Variants in AFF3 observed in about 807,000 individuals in gnomAD.
AFF3 encodes ALF transcription elongation factor 3, also known as AF4/FMR2 family member 3.
A neutral mutation model predicts 129.7 loss-of-function variants in AFF3; 32 were observed. That is an observed-to-expected ratio of 0.25 (90% CI 0.19 to 0.33). The LOEUF is 0.33. Among genes scored for constraint, AFF3 ranks in the 10% least tolerant of loss-of-function variants. The pLI, the probability that AFF3 is intolerant of heterozygous loss-of-function variation, is 1.00. For synonymous variants in AFF3, 644 were observed against 635.4 expected (o/e 1.01, Z -0.20); for missense variants, 1,373 against 1,592.0 (o/e 0.86, Z 2.34).
chr2:99,572,493 C>T (rs908483908), intron 18 of AFF3: 10 of 414,504 alleles, frequency 2.4e-5, no homozygotes, highest in East Asian at 1.5e-4. Context: ...TGTGAAATGC[C>T]GCCCTCAGTA....
intron 4 of AFF3, chr2:100,011,518 G>T: frequency 1.3e-6 from 1 of 781,028 alleles, no homozygotes; most frequent in Non-Finnish European, 2.4e-6. Flanking sequence ...GCTGGCTGAT[G>T]ACTGAAATTC....
At chr2:99,870,242 T>TCAGC (rs1023248234) in intron 7 of AFF3, among the ~76,000 whole-genome samples, 19 of 152,194 alleles carry the variant, frequency 1.2e-4, no homozygotes, top group Non-Finnish European at 1.5e-5. Context: ...TTGTCACTGC[T>TCAGC]CAGCCATAAG....
intron 4 of AFF3, among the ~76,000 whole-genome samples, chr2:100,063,490 A>C (rs1687470440): frequency 6.6e-6 from 1 of 152,102 alleles, no homozygotes; most frequent in African/African-American, 2.4e-5. Context: ...TTATTGAAAT[A>C]AAAAAATTTG....
intron 2 of AFF3, among the ~76,000 whole-genome samples, chr2:100,116,919 A>G (rs1691757247): frequency 2.0e-5 from 3 of 152,112 alleles, no homozygotes; most frequent in Admixed American, 1.3e-4. Context: ...TATCAATTTT[A>G]CATTTATAAT....
intron 13 of AFF3, among the ~76,000 whole-genome samples, chr2:99,648,917 A>ACTCT (rs769906171): frequency 2.3e-3 from 110 of 46,934 alleles, no homozygotes; most frequent in African/African-American, 6.6e-3. Flanking sequence ...ACACACACAC[A>ACTCT]CTCTCTCTCT....
intron 10 of AFF3, among the ~76,000 whole-genome samples, chr2:99,740,436 A>G (rs879701492): frequency 2.7e-5 from 4 of 149,044 alleles, no homozygotes; most frequent in Non-Finnish European, 4.5e-5. Flanking sequence ...CCAACAGTGT[A>G]AAAGTGTTCC....
chr2:100,008,543 T>C (rs1682193938), intron 5 of AFF3, among the ~76,000 whole-genome samples: 1 of 152,214 alleles, frequency 6.6e-6, no homozygotes, highest in Non-Finnish European at 1.5e-5. Flanking sequence ...AGATGAAGTC[T>C]GTATTATTGA....
intron 8 of AFF3, among the ~76,000 whole-genome samples, chr2:99,754,349 G>A (rs774185482): frequency 2.0e-5 from 3 of 152,088 alleles, no homozygotes; most frequent in Admixed American, 6.6e-5. Context: ...TCACTCTTTC[G>A]CTTACACAAT....
intron 7 of AFF3, among the ~76,000 whole-genome samples, chr2:99,925,467 A>C (rs1228983355): frequency 1.3e-5 from 2 of 152,228 alleles, no homozygotes; most frequent in Admixed American, 6.5e-5. Context: ...TTTGAGGTCA[A>C]GGACTACATA....
At chr2:99,962,450 A>C (rs1677318712) in intron 7 of AFF3, among the ~76,000 whole-genome samples, 1 of 152,246 alleles carries the variant, frequency 6.6e-6, no homozygotes, top group Non-Finnish European at 1.5e-5. Context: ...TGAGATGATC[A>C]GTGTTAAAAT....
chr2:100,135,975 G>T (rs1692625235), intron 1 of AFF3, among the ~76,000 whole-genome samples: 1 of 152,164 alleles, frequency 6.6e-6, no homozygotes, highest in Admixed American at 6.5e-5. Context: ...GGGTTGTGAA[G>T]GAAAGAAGTG....
chr2:99,733,841 A>G (rs957412536), intron 10 of AFF3, among the ~76,000 whole-genome samples: 9 of 152,188 alleles, frequency 5.9e-5, no homozygotes, highest in African/African-American at 2.2e-4. Context: ...GCTTTAATAT[A>G]TATTTAAAAA....
chr2:99,987,158 C>A (rs1186270950), intron 7 of AFF3, among the ~76,000 whole-genome samples: 1 of 152,214 alleles, frequency 6.6e-6, no homozygotes, highest in Non-Finnish European at 1.5e-5. Context: ...TGACCTCACC[C>A]TTTGGGTTTG....
intron 3 of AFF3, chr2:100,104,859 T>G: frequency 2.3e-6 from 1 of 442,924 alleles, no homozygotes. Context: ...CTCTTTCTCC[T>G]CCGGGAGGCG....
chr2:99,752,382 T>C (rs1681728017), intron 8 of AFF3, 81 bp from the exon 9 acceptor site: 5 of 1,216,652 alleles, frequency 4.1e-6, no homozygotes, highest in Admixed American at 1.9e-5. Flanking sequence ...GCTGTACAAG[T>C]GGGCCTTCAT....
intron 10 of AFF3, 52 bp from the exon 11 acceptor site, chr2:99,727,180 A>C: frequency 6.8e-7 from 1 of 1,473,384 alleles, no homozygotes; most frequent in Non-Finnish European, 9.3e-7. Context: ...ACAGTCTTTA[A>C]GATTTAAGAG....
intron 18 of AFF3, among the ~76,000 whole-genome samples, chr2:99,576,479 G>A (rs570114536): frequency 1.9e-4 from 27 of 142,880 alleles, no homozygotes; most frequent in African/African-American, 6.6e-4. Flanking sequence ...TCATACCACT[G>A]CACTCTAGCC....
intron 7 of AFF3, among the ~76,000 whole-genome samples, chr2:100,004,723 C>T (rs976530663): frequency 2.6e-5 from 4 of 152,194 alleles, no homozygotes; most frequent in African/African-American, 7.2e-5. Context: ...TACTTGGCTG[C>T]TGACTGTGAA....
chr2:99,961,895 A>C (rs1290621054), intron 7 of AFF3, among the ~76,000 whole-genome samples: 1 of 152,168 alleles, frequency 6.6e-6, no homozygotes, highest in African/African-American at 2.4e-5. Context: ...AGGCGGATAG[A>C]TCAATCACCC....
Sources: gnomAD v4.1 joint callset for allele counts (sites outside exome capture counted in the v4.1 genomes callset) on GRCh38, gnomAD v4.1.1 for gene constraint, MANE v1.5 for transcripts, NCBI Gene and HGNC (gene_info 2026-07-23, HGNC 2026-07-21) for gene names.